DNAH10: variants seen among roughly 807,000 people sequenced by gnomAD.
The protein encoded by DNAH10 is dynein axonemal heavy chain 10.
In DNAH10, 348 loss-of-function variants were observed where a neutral mutation model predicts 506.6. The ratio of observed to expected loss-of-function variants is 0.69; its 90% CI spans 0.63 to 0.75. The LOEUF (loss-of-function observed/expected upper bound fraction) is 0.75. Ranked by LOEUF, DNAH10 falls within the 30% of genes least tolerant of loss-of-function variation. The probability of loss-of-function intolerance (pLI) is 0.00; values close to 1 mark genes in which losing one functional copy is unlikely to be tolerated. For synonymous variants in DNAH10, 2,059 were observed against 2,198.6 expected, an observed-to-expected ratio of 0.94 and a Z score of 1.78; for missense variants, 5,179 against 5,787.1, an observed-to-expected ratio of 0.89 and a Z score of 3.41.
rs368017799 is a variant in DNAH10, at chr12:123,861,027, A to G, written c.6765A>G (p.Thr2255=). Residue 2255 remains threonine (T), a synonymous_variant, in exon 39 of 79, where the codon ACA becomes ACG. Coordinates refer to ENST00000673944, the MANE Select transcript of DNAH10 (RefSeq NM_001372106.1). ...CTTGATTTAGGCTTGGGCTGACGAC[A>G]AAGTTGTACATCCTGAACCCCAAAG... The part of the protein sequence containing the change: ...CQAQTKLGLT[T]KLYILNPKAV... The G allele has an allele frequency of 1.9e-6, 3 of 1,613,912 alleles. No individual in the cohort carries two copies. The African/African-American group carries it at 4.0e-5, about 22-fold the overall frequency.
rs781525421 is a variant in DNAH10 at position 123,918,798 on chromosome 12, G to A, written c.11355G>A (p.Leu3785=). The A allele has an allele frequency of 5.6e-6, 9 of 1,613,898 alleles. No individual in the cohort carries two copies. The East Asian group carries it at 1.8e-4, about 32-fold the overall frequency. The change falls in exon 65 of 79, where the codon CTG becomes CTA. Residue 3785 remains leucine (L), a synonymous_variant. Coordinates refer to ENST00000673944, the MANE Select transcript of DNAH10 (RefSeq NM_001372106.1). ...ILFFVLSEMA[L]VNSMYQYSLI... The stretch of plus-strand genomic sequence containing the variant: ...TCTTCGTCCTGTCTGAGATGGCCCT[G>A]GTGAACTCCATGTACCAGTACTCCC...
chr12:123,867,966 C>T lies in DNAH10; in HGVS notation c.7366C>T (p.Leu2456=). The T allele has an allele frequency of 6.2e-7, 1 of 1,613,910 alleles. No individual in the cohort carries two copies. Among genetic ancestry groups the T allele is most frequent in the South Asian group, 1.1e-5 (1 of 91,066 alleles). The change falls in exon 43 of 79, where the codon CTG becomes TTG. Residue 2456 remains leucine, a synonymous_variant. Transcript: ENST00000673944. The part of the protein sequence containing the change: ...LEGEIEDLDL[L]ECYFLEALYC... ...AGGAGAAATAGAAGACCTTGACCTG[C>T]TGGAGTGCTACTTCCTGGAGGCTTT...
chr12:123,935,579 G>A lies in DNAH10; in HGVS notation c.*98G>A. On this transcript the variant is annotated 3_prime_UTR_variant, in exon 79 of 79. Coordinates refer to ENST00000673944, the MANE Select transcript of DNAH10 (RefSeq NM_001372106.1). ...TCTTGGGGCCTCTCAAGAGGCAGGAGGGGGACTGACACTGATTTTTCATTT... is the reference window on the plus strand; with the variant it reads ...TCTTGGGGCCTCTCAAGAGGCAGGAAGGGGACTGACACTGATTTTTCATTT... 7.7e-7 allele frequency: 1 copy of A among 1,298,792 alleles called. No individual in the cohort carries two copies. The highest frequency in any genetic ancestry group is 2.4e-5 in the East Asian group (1 of 42,464). The allele number at this position is 1,298,792 out of a possible 1,614,324, so 80.5% of individuals were successfully genotyped here.
intron 21 of DNAH10, among the ~76,000 whole-genome samples, chr12:123,815,127 A>G (rs1434661959): frequency 3.3e-5 from 5 of 152,218 alleles, no homozygotes; most frequent in Non-Finnish European, 5.9e-5. Flanking sequence ...ATTAATCTGC[A>G]CAAATGGACA....
chr12:123,873,032 C>T (rs767025608), intron 45 of DNAH10, among the ~76,000 whole-genome samples: 13 of 152,176 alleles, frequency 8.5e-5, no homozygotes, highest in Non-Finnish European at 1.5e-4. Flanking sequence ...CCCTTCCTGC[C>T]GGCAGTTAGT....
chr12:123,772,309 T>A (rs898919694), intron 3 of DNAH10, among the ~76,000 whole-genome samples: 3 of 152,152 alleles, frequency 2.0e-5, no homozygotes, highest in Non-Finnish European at 4.4e-5. Flanking sequence ...GGCCCAAGGC[T>A]ACAGGTACAC....
At chr12:123,777,826 G>C (rs1312534040) in intron 5 of DNAH10, among the ~76,000 whole-genome samples, 1 of 85,250 alleles carries the variant, frequency 1.2e-5, no homozygotes, top group Non-Finnish European at 2.1e-5. Flanking sequence ...ATGCCTGGAT[G>C]ATTTTTGTAT....
intron 16 of DNAH10, among the ~76,000 whole-genome samples, chr12:123,802,777 A>G (rs1958523536): frequency 1.4e-5 from 2 of 145,388 alleles, no homozygotes; most frequent in African/African-American, 5.1e-5. Flanking sequence ...CTGTGTAATG[A>G]TATCTCATGG....
Position 123,909,676 on chromosome 12 carries a change from C to A in DNAH10, c.9997+234C>A, listed in dbSNP as rs555535870. ...GCGGCAGCCGTGCCCACTGAGGGTT[C>A]GATTCGGCACTAGTCCTAGCTCTCC... On this transcript the variant is annotated intron_variant, in intron 58 of 78. Transcript: ENST00000673944. The surrounding 1 kb of genome is among the most constrained non-coding windows in gnomAD (Gnocchi z 5.4). Among the ~76,000 whole-genome samples the A allele has an allele frequency of 6.6e-6, 1 of 152,198 alleles. No homozygotes were observed. Among genetic ancestry groups the A allele is most frequent in the Non-Finnish European group, 1.5e-5 (1 of 68,040 alleles).
chr12:123,808,277 C>T (rs887084415), intron 18 of DNAH10, among the ~76,000 whole-genome samples: 7 of 152,184 alleles, frequency 4.6e-5, no homozygotes, highest in Non-Finnish European at 8.8e-5. Flanking sequence ...ATGATCCTCC[C>T]ACCTCAGCCT....
At chr12:123,910,878 T>C (rs1954035142) in intron 59 of DNAH10, among the ~76,000 whole-genome samples, 1 of 152,104 alleles carries the variant, frequency 6.6e-6, no homozygotes, top group Non-Finnish European at 1.5e-5. Flanking sequence ...GACCGAGGTC[T>C]GAAAGAGTTT....
intron 30 of DNAH10, among the ~76,000 whole-genome samples, chr12:123,841,937 T>C (rs1208766798): frequency 1.3e-5 from 2 of 152,192 alleles, no homozygotes; most frequent in Non-Finnish European, 2.9e-5. Flanking sequence ...CCTCCCACCT[T>C]GGCCTCCCAA....
chr12:123,915,840 G>A (rs184097986), intron 62 of DNAH10, among the ~76,000 whole-genome samples: 83 of 152,336 alleles, frequency 5.4e-4, no homozygotes, highest in African/African-American at 1.9e-3. Context: ...TGGTGCACAC[G>A]TTTCTATGTG....
At chr12:123,799,476 C>T in intron 14 of DNAH10, 105 bp downstream of exon 14, 1 of 1,441,838 alleles carries the variant, frequency 6.9e-7, no homozygotes, top group Non-Finnish European at 9.3e-7. Flanking sequence ...GGGTCAGTTT[C>T]CAGAATCAAA....
At chr12:123,878,452 A>G (rs1952357154) in intron 48 of DNAH10, among the ~76,000 whole-genome samples, 1 of 152,216 alleles carries the variant, frequency 6.6e-6, no homozygotes. Flanking sequence ...AGAATTTTCC[A>G]TGTATCCTGC....
At chr12:123,868,148 G>T (rs1191174795) in intron 43 of DNAH10, 29 bp downstream of exon 43, 23 of 1,576,770 alleles carry the variant, frequency 1.5e-5, no homozygotes, top group East Asian at 2.2e-5. Flanking sequence ...CTGTTTCCCT[G>T]CTCTGAGTGC....
chr12:123,791,898 A>G (rs1958093724), intron 11 of DNAH10, among the ~76,000 whole-genome samples: 1 of 152,160 alleles, frequency 6.6e-6, no homozygotes, highest in African/African-American at 2.4e-5. Flanking sequence ...ATAAGAAAAA[A>G]CAGCTCCATG....
chr12:123,764,012 C>G (rs1397769832), intron 1 of DNAH10, among the ~76,000 whole-genome samples: 1 of 151,604 alleles, frequency 6.6e-6, no homozygotes, highest in African/African-American at 2.4e-5. Context: ...ATTACAGGCA[C>G]CCATCACCAT....
rs547113218 is a variant in DNAH10 at position 123,911,091 on chromosome 12, T to G, written c.10134+419T>G. On this transcript the variant is annotated intron_variant, in intron 59 of 78. Transcript: ENST00000673944. ...CGAGCATGGTGGCACACACCTGTAC[T>G]GCCAGCTACTTGGGAGGCTGCAGTG... Among the ~76,000 whole-genome samples the G allele has an allele frequency of 4.2e-3, 623 of 149,258 alleles. 4 individuals are homozygous for G. Among genetic ancestry groups the G allele is most frequent in the Non-Finnish European group, 5.1e-3 (344 of 67,454 alleles).
Sources: gnomAD v4.1 joint callset for allele counts (sites outside exome capture counted in the v4.1 genomes callset) on GRCh38, gnomAD v4.1.1 for gene constraint, Gnocchi (gnomAD v3.1) non-coding constraint, MANE v1.5 for transcripts, NCBI Gene and HGNC (gene_info 2026-07-23, HGNC 2026-07-21) for gene names.